Variants in KRT83 observed in about 807,000 individuals in gnomAD.
KRT83 encodes keratin 83.
KRT83 carries 51 observed loss-of-function variants against 52.9 expected under a neutral mutation model. The observed-to-expected ratio is 0.96, with a 90% CI of 0.77 to 1.22. KRT83 has a LOEUF of 1.22. Among genes scored for constraint, KRT83 ranks in the 50% most tolerant of loss-of-function variants. KRT83 has a pLI of 0.00. For synonymous variants in KRT83, 278 were observed against 274.1 expected, an observed-to-expected ratio of 1.01 and a Z score of -0.14; for missense variants, 654 against 666.5, an observed-to-expected ratio of 0.98 and a Z score of 0.21.
Position 52,317,663 on chromosome 12 carries a change from T to A in KRT83, c.750+18A>T. 1 of 1,611,230 alleles carries A rather than the reference T, an allele frequency of 6.2e-7. No homozygotes were observed. ...CCCATGGGGGGATCTGTGCCCACCATGGTTGAGAGCCCCTCACCTCCTCGT... is the reference window on the plus strand; with the variant it reads ...CCCATGGGGGGATCTGTGCCCACCAAGGTTGAGAGCCCCTCACCTCCTCGT... On this transcript the variant is annotated intron_variant, in intron 4 of 8. Transcript: ENST00000293670.
intron 4 of KRT83, 152 bp from the exon 5 acceptor site, chr12:52,317,175 A>G (rs1938701315): frequency 9.3e-7 from 1 of 1,072,322 alleles, no homozygotes; most frequent in Non-Finnish European, 1.4e-6. Flanking sequence ...CACAAATAGG[A>G]AATCCCTTTA....
chr12:52,315,352 G>C lies in KRT83; in HGVS notation c.1263-9C>G, dbSNP rs1435422977. 1 of 1,613,484 alleles carries C rather than the reference G, an allele frequency of 6.2e-7. No homozygotes were observed. The highest frequency in any genetic ancestry group is 8.5e-7 in the Non-Finnish European group (1 of 1,179,628). On this transcript the variant is annotated splice_polypyrimidine_tract_variant and intron_variant, in intron 7 of 8. Coordinates refer to ENST00000293670, the MANE Select transcript of KRT83 (RefSeq NM_002282.3). ...CAACACCTTCACACAGCCTGAGTGG[G>C]GAAAAAGTAAGGAAGGGGAAGATAA...
At chr12:52,320,878 C>G in intron 1 of KRT83, 74 bp downstream of exon 1, 2 of 1,613,040 alleles carry the variant, frequency 1.2e-6, no homozygotes, top group African/African-American at 1.3e-5. Flanking sequence ...CCTTTGACTT[C>G]CCTGTCAGTG....
intron 2 of KRT83, 38 bp downstream of exon 2, chr12:52,319,118 T>C (rs754022019): frequency 6.2e-7 from 1 of 1,612,250 alleles, no homozygotes; most frequent in South Asian, 1.1e-5. Flanking sequence ...GCCACCATGC[T>C]ATTTCCTGTG....
chr12:52,315,864 T>C (rs1475670061), intron 7 of KRT83, 29 bp downstream of exon 7: 2 of 1,612,162 alleles, frequency 1.2e-6, no homozygotes, highest in African/African-American at 2.7e-5. Flanking sequence ...TCTATGCAAG[T>C]GGAGTGCTTA....
chr12:52,315,666 G>C lies in KRT83; in HGVS notation c.1262+227C>G, dbSNP rs142413944. Among the ~76,000 whole-genome samples, 246 of 152,346 alleles carry C rather than the reference G, an allele frequency of 1.6e-3. 1 individual carries two copies. Among genetic ancestry groups the C allele is most frequent in the African/African-American group, 5.7e-3 (237 of 41,574 alleles). On this transcript the variant is annotated intron_variant, in intron 7 of 8. Transcript: ENST00000293670. ...AAGGAGAAGGCCCTCTTGGGAAGAC[G>C]AGGTCAGGGGTGGAGTTTGGCCAGC...
At chr12:52,317,260 A>T (rs1466209134) in intron 4 of KRT83, among the ~76,000 whole-genome samples, 1 of 152,184 alleles carries the variant, frequency 6.6e-6, no homozygotes, top group Admixed American at 6.5e-5. Context: ...CATGGTCCAG[A>T]TGCTTTCCAG....
intron 1 of KRT83, 137 bp from the exon 2 acceptor site, chr12:52,319,501 C>T (rs1470174122): frequency 8.0e-7 from 1 of 1,251,704 alleles, no homozygotes; most frequent in Non-Finnish European, 1.1e-6. Context: ...TCATCTCTCT[C>T]AAAAATGCCA....
Position 52,316,111 on chromosome 12 carries a change from G to A in KRT83, c.1044C>T (p.Asn348=). Residue 348 remains asparagine, a splice_region_variant and synonymous_variant, in exon 7 of 9, where the codon AAC becomes AAT. Coordinates refer to ENST00000293670, the MANE Select transcript of KRT83 (RefSeq NM_002282.3). ...GGGCCACCGCAGCTTCCAGCTTGGA[G>A]TTCTGGGAGGTAGGGGGAATATGGA... ...TAEVENAKCQ[N]SKLEAAVAQS... 6.2e-7 allele frequency: 1 copy of A among 1,613,760 alleles called. No individual in the cohort carries two copies. Among genetic ancestry groups the A allele is most frequent in the Non-Finnish European group, 8.5e-7 (1 of 1,180,002 alleles).
In KRT83 at chr12:52,315,338, C is replaced by T. The variant is rs148757217; in HGVS notation, c.1268G>A (p.Cys423Tyr). 2 of 1,613,868 alleles carry T rather than the reference C, an allele frequency of 1.2e-6. No homozygotes were observed. Among genetic ancestry groups the T allele is most frequent in the Non-Finnish European group, 1.7e-6 (2 of 1,179,794 alleles). Residue 423 changes from cysteine (C) to tyrosine (Y), a missense_variant, in exon 8 of 9, where the codon TGT becomes TAT. Coordinates refer to ENST00000293670, the MANE Select transcript of KRT83 (RefSeq NM_002282.3). ...GACATTCACAGCTTCAACACCTTCACACAGCCTGAGTGGGGAAAAAGTAAG... is the reference window on the plus strand; with the variant it reads ...GACATTCACAGCTTCAACACCTTCATACAGCCTGAGTGGGGAAAAAGTAAG... Reference protein sequence around the residue: ...RLLEGEEQRLCEGVEAVNVCV... With the variant: ...RLLEGEEQRLYEGVEAVNVCV...
At chr12:52,320,384 C>T (rs964335389) in intron 1 of KRT83, among the ~76,000 whole-genome samples, 1 of 152,192 alleles carries the variant, frequency 6.6e-6, no homozygotes, top group African/African-American at 2.4e-5. Context: ...TGGTTTCAAC[C>T]AAACCCAGAC....
rs1938736800 is a variant in KRT83, at chr12:52,319,335, C to T, written c.414G>A (p.Leu138=). ...KVRFLEQQNK[L]LETKLQFYQN... ...GGTAGAACTGCAGCTTTGTCTCCAG[C>T]AGCTTGTTCTGCTGCTCCAGGAAGC... is the stretch of plus-strand genomic sequence containing the variant. Residue 138 remains leucine, a synonymous_variant, in exon 2 of 9, where the codon CTG becomes CTA. Coordinates refer to ENST00000293670, the MANE Select transcript of KRT83 (RefSeq NM_002282.3). The T allele has an allele frequency of 1.2e-6, 2 of 1,613,954 alleles. No individual in the cohort carries two copies. Among genetic ancestry groups the T allele is most frequent in the South Asian group, 2.2e-5 (2 of 91,090 alleles).
At chr12:52,316,247 C>T in intron 6 of KRT83, 134 bp from the exon 7 acceptor site, 1 of 1,205,018 alleles carries the variant, frequency 8.3e-7, no homozygotes, top group Admixed American at 2.1e-5. Context: ...CCTTCCTTCC[C>T]TCCTCACTTA....
chr12:52,321,221 C>CTT lies in KRT83; in HGVS notation c.114_115insAA (p.Gly39LysfsTer63). On this transcript the variant is annotated frameshift_variant, in exon 1 of 9. Coordinates refer to ENST00000293670, the MANE Select transcript of KRT83 (RefSeq NM_002282.3). LOFTEE classifies it high-confidence loss of function. ...GTGAGGCCGCGGTAGCAGGAGATGC[C>CTT]GCGGTAGGGGGCGGCGGTGATGCAG... is the stretch of plus-strand genomic sequence containing the variant. 1.2e-6 allele frequency: 2 copies of CTT among 1,613,428 alleles called. No homozygotes were observed. The highest frequency in any genetic ancestry group is 1.7e-6 in the Non-Finnish European group (2 of 1,179,798).
chr12:52,315,197 T>C, intron 8 of KRT83, 115 bp downstream of exon 8: 2 of 1,130,294 alleles, frequency 1.8e-6, no homozygotes, highest in Middle Eastern at 2.1e-4. Context: ...CAACCTATCC[T>C]CTTTACTGGG....
In KRT83 at chr12:52,314,686, C is replaced by A. The variant is rs1393630080; in HGVS notation, c.1427G>T (p.Cys476Phe). Reference protein sequence around the residue: ...LVVSTGLCKPCGQLNTTCGGG... With the variant: ...LVVSTGLCKPFGQLNTTCGGG... ...TCCACAGGTGGTGTTCAGCTGGCCA[C>A]AGGGCTTGCACAAACCAGTGCTCAC... Residue 476 changes from cysteine to phenylalanine, a missense_variant, in exon 9 of 9, where the codon TGT becomes TTT. Transcript: ENST00000293670. The A allele has an allele frequency of 6.3e-7, 1 of 1,583,058 alleles. No homozygotes were observed. The highest frequency in any genetic ancestry group is 8.6e-7 in the Non-Finnish European group (1 of 1,164,692).
rs566871352 is a variant in KRT83 at position 52,317,518 on chromosome 12, G to A, written c.750+163C>T. Among the ~76,000 whole-genome samples, 7 of 152,238 alleles carry A rather than the reference G, an allele frequency of 4.6e-5. No individual in the cohort carries two copies. In the East Asian group the frequency reaches 5.8e-4, roughly 13 times the overall value. Reference sequence around the variant, plus strand: ...TTTGTTCCTTTTTGGCTTTCCATCCGTTTGCCTCCCTGTTCCTTCCCTCTC... The same window carrying A: ...TTTGTTCCTTTTTGGCTTTCCATCCATTTGCCTCCCTGTTCCTTCCCTCTC... On this transcript the variant is annotated intron_variant, in intron 4 of 8. Coordinates refer to ENST00000293670, the MANE Select transcript of KRT83 (RefSeq NM_002282.3).
Position 52,321,338 on chromosome 12 carries a change from C to G in KRT83, c.-3G>C. The stretch of plus-strand genomic sequence containing the variant: ...ATGGAGTTGAAGCCACAGGTCATGA[C>G]GGAGGTTAGGAGGTGTCTGAACAGT... On this transcript the variant is annotated 5_prime_UTR_variant, in exon 1 of 9. Transcript: ENST00000293670. The G allele has an allele frequency of 6.2e-7, 1 of 1,613,696 alleles. No individual in the cohort carries two copies. Among genetic ancestry groups the G allele is most frequent in the Non-Finnish European group, 8.5e-7 (1 of 1,180,030 alleles).
rs778487552 is a variant in KRT83, at chr12:52,321,155, C to T, written c.181G>A (p.Ala61Thr). The T allele has an allele frequency of 1.9e-6, 3 of 1,612,290 alleles. No homozygotes were observed. Among genetic ancestry groups the T allele is most frequent in the Non-Finnish European group, 1.7e-6 (2 of 1,179,540 alleles). ...GSHSVCGGFRAGSCGRSFGYR... is the reference protein window; with the variant it reads ...GSHSVCGGFRTGSCGRSFGYR... Reference sequence around the variant, plus strand: ...CCGAAGCTGCGTCCGCAGGAGCCGGCGCGGAAGCCCCCGCACACGCTGTGG... The same window carrying T: ...CCGAAGCTGCGTCCGCAGGAGCCGGTGCGGAAGCCCCCGCACACGCTGTGG... The change falls in exon 1 of 9, where the codon GCC becomes ACC. Residue 61 changes from alanine to threonine, a missense_variant. Transcript: ENST00000293670.
Sources: allele counts gnomAD v4.1 joint callset (sites outside exome capture counted in the v4.1 genomes callset), GRCh38; gene constraint gnomAD v4.1.1; transcripts MANE v1.5; gene names NCBI Gene and HGNC (gene_info 2026-07-23, HGNC 2026-07-21).